The following PRAG1 variants were observed in gnomAD, a reference collection of about 807,000 sequenced individuals.
PRAG1 encodes PEAK1 related, kinase-activating pseudokinase 1, also known as inactive tyrosine-protein kinase PRAG1.
Under a neutral mutation model 95.6 loss-of-function variants are expected in PRAG1, and 110 were observed. The ratio of observed to expected loss-of-function variants is 1.15; its 90% CI spans 0.99 to 1.35. The LOEUF is 1.35. PRAG1 is among the 40% of genes most tolerant of loss of function. PRAG1 has a pLI of 0.00. For missense variants in PRAG1, 2,554 were observed against 1,864.7 expected, an observed-to-expected ratio of 1.37 and a Z score of -6.81; for synonymous variants, 1,052 against 819.4, an observed-to-expected ratio of 1.28 and a Z score of -4.85.
Position 8,376,317 on chromosome 8 carries a change from C to T in PRAG1, c.2092G>A (p.Ala698Thr), listed in dbSNP as rs750621298. The change falls in exon 3 of 6, where the codon GCC becomes ACC. Residue 698 changes from alanine (A) to threonine (T), a missense_variant. Transcript: ENST00000615670. ...GTGMSKSASF[A>T]FEFPKDRSGI... ...CTTCTGTCCTTGGGGAACTCAAAGG[C>T]AAAAGAGGCGGATTTGCTCATCCCG... The T allele has an allele frequency of 1.2e-6, 2 of 1,614,158 alleles. No homozygotes were observed. Among genetic ancestry groups the T allele is most frequent in the Non-Finnish European group, 1.7e-6 (2 of 1,180,048 alleles).
chr8:8,369,785 G>A (rs1271418013), intron 3 of PRAG1, among the ~76,000 whole-genome samples: 1 of 151,256 alleles, frequency 6.6e-6, no homozygotes, highest in Non-Finnish European at 1.5e-5. Context: ...GGACTATAAG[G>A]TACTCCTGGA....
At chr8:8,384,973 T>A (rs1800802320) in intron 1 of PRAG1, among the ~76,000 whole-genome samples, 1 of 152,218 alleles carries the variant, frequency 6.6e-6, no homozygotes, top group Non-Finnish European at 1.5e-5. Context: ...TTTGCAAGAC[T>A]GAAGCTGTCA....
intron 2 of PRAG1, among the ~76,000 whole-genome samples, chr8:8,380,980 T>C (rs915629050): frequency 2.6e-5 from 4 of 151,892 alleles, no homozygotes; most frequent in Non-Finnish European, 4.4e-5. Flanking sequence ...TTTAAAATCA[T>C]AGGGAAGGGG....
intron 3 of PRAG1, among the ~76,000 whole-genome samples, chr8:8,359,393 G>C (rs892161855): frequency 4.6e-5 from 7 of 152,178 alleles, no homozygotes; most frequent in African/African-American, 7.2e-5. Flanking sequence ...GCCTATTACA[G>C]TTGCTATAGA....
intron 3 of PRAG1, among the ~76,000 whole-genome samples, chr8:8,370,714 C>T (rs957872767): frequency 6.6e-6 from 1 of 152,196 alleles, no homozygotes; most frequent in Non-Finnish European, 1.5e-5. Context: ...GCCCAGAGAT[C>T]ATGTTACAGG....
chr8:8,365,025 G>C (rs1187989441), intron 3 of PRAG1, among the ~76,000 whole-genome samples: 1 of 152,068 alleles, frequency 6.6e-6, no homozygotes, highest in African/African-American at 2.4e-5. Context: ...TTTGAAGAAA[G>C]GATACCAAGG....
intron 3 of PRAG1, among the ~76,000 whole-genome samples, chr8:8,352,747 A>G (rs1799563386): frequency 6.6e-6 from 1 of 152,192 alleles, no homozygotes; most frequent in South Asian, 2.1e-4. Context: ...TACACACTAT[A>G]TTTGGTATAC....
intron 1 of PRAG1, among the ~76,000 whole-genome samples, chr8:8,383,089 A>C (rs1800737293): frequency 6.6e-6 from 1 of 152,178 alleles, no homozygotes. Context: ...TCCTCCCATA[A>C]GGATCTGCCT....
At chr8:8,319,475 G>C (rs1159130411) in intron 5 of PRAG1, among the ~76,000 whole-genome samples, 173 bp from the exon 6 acceptor site, 1 of 152,132 alleles carries the variant, frequency 6.6e-6, no homozygotes, top group Admixed American at 6.5e-5. Flanking sequence ...TTGAGGCCTT[G>C]GGTTGGGCAA....
intron 3 of PRAG1, among the ~76,000 whole-genome samples, chr8:8,346,221 C>A (rs574735216): frequency 1.3e-5 from 2 of 152,362 alleles, no homozygotes; most frequent in South Asian, 4.1e-4. Context: ...TGCAAACCAT[C>A]TGCAAAATAC....
chr8:8,365,568 G>T (rs1222351932), intron 3 of PRAG1, among the ~76,000 whole-genome samples: 1 of 152,044 alleles, frequency 6.6e-6, no homozygotes, highest in Non-Finnish European at 1.5e-5. Context: ...AGGTTGTGGT[G>T]AGCTGACATC....
chr8:8,352,134 A>G (rs1463877916), intron 3 of PRAG1, among the ~76,000 whole-genome samples: 1 of 152,140 alleles, frequency 6.6e-6, no homozygotes, highest in Non-Finnish European at 1.5e-5. Flanking sequence ...CTTCATTTCT[A>G]CCCTTCTAGC....
chr8:8,340,206 A>G (rs2945912), intron 3 of PRAG1, among the ~76,000 whole-genome samples: 68,726 of 152,158 alleles, frequency 0.45, 19,357 homozygotes, highest in African/African-American at 0.81. Flanking sequence ...ATAGAAACAA[A>G]TTGACATAAC....
At chr8:8,331,448 C>A (rs1281021915) in intron 4 of PRAG1, among the ~76,000 whole-genome samples, 1 of 152,146 alleles carries the variant, frequency 6.6e-6, no homozygotes, top group Middle Eastern at 3.2e-3. Context: ...CCCCTTGCAG[C>A]ACTAATAGTC....
intron 2 of PRAG1, among the ~76,000 whole-genome samples, chr8:8,380,852 C>CAAAAAAAAAAA (rs71217290): frequency 1.6e-5 from 1 of 64,448 alleles, no homozygotes; most frequent in African/African-American, 7.2e-5. Context: ...GACTCCATCT[C>CAAAAAAAAAAA]AAAAAAAAAA....
intron 3 of PRAG1, among the ~76,000 whole-genome samples, chr8:8,375,492 G>A (rs1208743444): frequency 2.0e-5 from 3 of 151,316 alleles, no homozygotes; most frequent in Non-Finnish European, 4.4e-5. Context: ...GAGCCACCAC[G>A]CCCAGCCCCA....
At chr8:8,343,394 G>A (rs1799233132) in intron 3 of PRAG1, among the ~76,000 whole-genome samples, 1 of 152,154 alleles carries the variant, frequency 6.6e-6, no homozygotes, top group South Asian at 2.1e-4. Flanking sequence ...CTTGAGCAAT[G>A]TTACTTAAAT....
chr8:8,325,607 T>C (rs55694485), intron 5 of PRAG1, among the ~76,000 whole-genome samples: 10,132 of 152,266 alleles, frequency 0.067, 1,099 homozygotes, highest in African/African-American at 0.23. Context: ...CAATTATTTA[T>C]GTTTGTGAAA....
At chr8:8,357,166 A>G (rs898261068) in intron 3 of PRAG1, among the ~76,000 whole-genome samples, 1 of 152,256 alleles carries the variant, frequency 6.6e-6, no homozygotes, top group African/African-American at 2.4e-5. Flanking sequence ...AGACAACAAA[A>G]GCAAAAATAG....
Sources: gnomAD v4.1 joint callset for allele counts (sites outside exome capture counted in the v4.1 genomes callset) on GRCh38, gnomAD v4.1.1 for gene constraint, MANE v1.5 for transcripts, NCBI Gene and HGNC (gene_info 2026-07-23, HGNC 2026-07-21) for gene names.